Variants in CATSPERB observed in about 807,000 individuals in gnomAD.
The protein encoded by CATSPERB is catsper channel auxiliary subunit beta, also known as cation channel sperm-associated auxiliary subunit beta.
Under a neutral mutation model 128.3 loss-of-function variants are expected in CATSPERB, and 93 were observed. The ratio of observed to expected loss-of-function variants is 0.72; its 90% CI spans 0.61 to 0.86. The LOEUF is 0.86. Among genes scored for constraint, CATSPERB ranks in the 40% least tolerant of loss-of-function variants. The pLI, the probability that CATSPERB is intolerant of heterozygous loss-of-function variation, is 0.00. For synonymous variants in CATSPERB, 381 were observed against 448.8 expected (o/e 0.85, Z 1.91); for missense variants, 1,153 against 1,329.5 (o/e 0.87, Z 2.06).
At position 91,608,311 on chromosome 14, in the gene CATSPERB, T is replaced by C; in HGVS notation, c.2692A>G (p.Met898Val). ...TTATTTACCTTTGACATGTGAAACATGTTTCTTGGTATGGGTTTGCTAGGA... is the reference window on the plus strand; with the variant it reads ...TTATTTACCTTTGACATGTGAAACACGTTTCTTGGTATGGGTTTGCTAGGA... ...ADPSKPIPRN[M>V]FHMSKKTGKF... The change falls in exon 22 of 27, where the codon ATG (methionine) becomes GTG (valine). Residue 898 changes from methionine (M) to valine (V), a missense_variant. Physicochemically the swap from Met to Val is conservative, Grantham distance 21. Transcript: ENST00000256343. The C allele has an allele frequency of 6.2e-7, 1 of 1,603,888 alleles. No homozygotes were observed. The highest frequency in any genetic ancestry group is 8.5e-7 in the Non-Finnish European group (1 of 1,171,804).
At chr14:91,587,477 CTTTTTTTTTTTTTTTTTT>C (rs3029803) in intron 25 of CATSPERB, among the ~76,000 whole-genome samples, 4 of 101,544 alleles carry the variant, frequency 3.9e-5, no homozygotes, top group Non-Finnish European at 5.9e-5. Context: ...ATAGCTGATA[CTTTTTTTTTTTTTTTTTT>C]TTTTTTTTTT....
rs563736023 is a variant in CATSPERB at position 91,677,213 on chromosome 14, A to G, written c.932-2991T>C. On this transcript the variant is annotated intron_variant, in intron 11 of 26. Transcript: ENST00000256343. ...AAAAGCAATTGTAAGAAAAGCCAAA[A>G]TTGACAAACAGGATCTAATTAAACT... Among the ~76,000 whole-genome samples the G allele has an allele frequency of 2.6e-5, 4 of 152,334 alleles. No homozygotes were observed. The South Asian group carries it at 8.3e-4, about 32-fold the overall frequency.
chr14:91,584,947 G>A (rs1157887903), intron 26 of CATSPERB, among the ~76,000 whole-genome samples: 10 of 151,892 alleles, frequency 6.6e-5, no homozygotes, highest in South Asian at 6.2e-4. Context: ...GTAAACTTAC[G>A]TCTTCACCAA....
At chr14:91,687,800 C>A (rs1169624721) in intron 10 of CATSPERB, among the ~76,000 whole-genome samples, 1 of 151,888 alleles carries the variant, frequency 6.6e-6, no homozygotes, top group East Asian at 1.9e-4. Context: ...ACCAAAAATA[C>A]AAAAATTAGC....
At position 91,649,331 on chromosome 14, in the gene CATSPERB, ATGTGTG is replaced by A. The variant is rs55880138; in HGVS notation, c.1433-10087_1433-10082del. On this transcript the variant is annotated intron_variant, in intron 15 of 26. Coordinates refer to ENST00000256343, the MANE Select transcript of CATSPERB (RefSeq NM_024764.4). ...TACACAAACTTAAATGTATACATAT[ATGTGTG>A]TGTGTGTGTGTGTGTGTGTGTGTGT... Among the ~76,000 whole-genome samples, 1,145 of 147,390 alleles carry A rather than the reference ATGTGTG, an allele frequency of 7.8e-3. 18 individuals carry two copies. The highest frequency in any genetic ancestry group is 0.027 in the African/African-American group (1,072 of 40,270).
At chr14:91,619,301 G>C (rs1302491416) in intron 19 of CATSPERB, among the ~76,000 whole-genome samples, 1 of 152,046 alleles carries the variant, frequency 6.6e-6, no homozygotes, top group Non-Finnish European at 1.5e-5. Flanking sequence ...AAATAAAATA[G>C]AGGTAACCTA....
chr14:91,700,825 G>A (rs941480588), intron 7 of CATSPERB, among the ~76,000 whole-genome samples: 1 of 152,082 alleles, frequency 6.6e-6, no homozygotes, highest in Non-Finnish European at 1.5e-5. Context: ...AGCTGGGGGA[G>A]GGAAGGGAGC....
chr14:91,632,217 C>A (rs1894292091), intron 17 of CATSPERB, among the ~76,000 whole-genome samples: 1 of 152,018 alleles, frequency 6.6e-6, no homozygotes, highest in East Asian at 1.9e-4. Flanking sequence ...GACAGATATA[C>A]AAAGCAGGTG....
intron 22 of CATSPERB, among the ~76,000 whole-genome samples, chr14:91,605,491 T>C (rs1254623555): frequency 6.6e-6 from 1 of 152,212 alleles, no homozygotes; most frequent in Non-Finnish European, 1.5e-5. Context: ...CATGTTACTT[T>C]CTTGCTTAAA....
chr14:91,632,884 G>A (rs1894303888), intron 17 of CATSPERB, among the ~76,000 whole-genome samples: 1 of 152,012 alleles, frequency 6.6e-6, no homozygotes, highest in Admixed American at 6.6e-5. Context: ...CTAAAGGCAG[G>A]AGATAAAACT....
intron 15 of CATSPERB, among the ~76,000 whole-genome samples, chr14:91,645,723 T>G (rs1162687710): frequency 7.1e-6 from 1 of 140,410 alleles, no homozygotes; most frequent in Non-Finnish European, 1.5e-5. Context: ...CCTTGAGCTG[T>G]GGTGGGCTCC....
chr14:91,625,125 A>G (rs1007059027), intron 17 of CATSPERB, 118 bp from the exon 18 acceptor site: 4 of 636,812 alleles, frequency 6.3e-6, no homozygotes, highest in Non-Finnish European at 1.0e-5. Flanking sequence ...ATATTTGATT[A>G]ACATTTGTTC....
intron 14 of CATSPERB, among the ~76,000 whole-genome samples, chr14:91,660,720 C>G (rs1490718912): frequency 1.3e-5 from 2 of 152,190 alleles, no homozygotes; most frequent in Non-Finnish European, 2.9e-5. Flanking sequence ...ACATTTCCAA[C>G]TTTATAAATA....
chr14:91,603,698 T>C (rs1893648549), intron 22 of CATSPERB, among the ~76,000 whole-genome samples: 1 of 151,598 alleles, frequency 6.6e-6, no homozygotes, highest in Non-Finnish European at 1.5e-5. Context: ...TAAAAGGGAG[T>C]GAGGCAGGAA....
intron 15 of CATSPERB, among the ~76,000 whole-genome samples, chr14:91,651,432 C>T (rs2139814995): frequency 6.6e-6 from 1 of 152,318 alleles, no homozygotes; most frequent in Middle Eastern, 3.4e-3. Context: ...CACTGTTGCT[C>T]CCTTTAACTA....
intron 25 of CATSPERB, 121 bp from the exon 26 acceptor site, chr14:91,587,397 T>C (rs999443316): frequency 2.1e-5 from 11 of 524,258 alleles, no homozygotes; most frequent in Middle Eastern, 3.7e-4. Flanking sequence ...ATTCCCATCC[T>C]CTTCCTAAGG....
intron 7 of CATSPERB, 77 bp from the exon 8 acceptor site, chr14:91,693,556 T>C: frequency 1.0e-6 from 1 of 999,284 alleles, no homozygotes. Context: ...GAGCCCAGAG[T>C]CCGTTCCAAC....
chr14:91,692,459 CA>C (rs1483546822), intron 9 of CATSPERB, among the ~76,000 whole-genome samples: 6 of 152,252 alleles, frequency 3.9e-5, no homozygotes, highest in African/African-American at 1.4e-4. Flanking sequence ...GTCATCTGAG[CA>C]ACAAATGGTA....
intron 17 of CATSPERB, among the ~76,000 whole-genome samples, chr14:91,628,257 C>A (rs1349793732): frequency 6.6e-6 from 1 of 152,150 alleles, no homozygotes; most frequent in African/African-American, 2.4e-5. Flanking sequence ...CAGGCACACA[C>A]CACTGCATGG....
Sources: allele counts gnomAD v4.1 joint callset (sites outside exome capture counted in the v4.1 genomes callset), GRCh38; gene constraint gnomAD v4.1.1; transcripts MANE v1.5; gene names NCBI Gene and HGNC (gene_info 2026-07-23, HGNC 2026-07-21).